Variants in CLEC1A observed in about 807,000 individuals in gnomAD.
The protein encoded by CLEC1A is C-type lectin-like receptor-1.
Under a neutral mutation model 28.7 loss-of-function variants are expected in CLEC1A, and 34 were observed. The ratio of observed to expected loss-of-function variants is 1.18; its 90% CI spans 0.90 to 1.57. The LOEUF (loss-of-function observed/expected upper bound fraction) is 1.57, where lower values mean the gene tolerates loss of function less well. Among genes scored for constraint, CLEC1A ranks in the 40% most tolerant of loss-of-function variants. The pLI, the probability that CLEC1A is intolerant of heterozygous loss-of-function variation, is 0.00. For synonymous variants in CLEC1A, 116 were observed against 121.0 expected (o/e 0.96, Z 0.27); for missense variants, 385 against 339.5 (o/e 1.13, Z -1.05).
At chr12:10,080,250 T>C (rs1054993832) in intron 3 of CLEC1A, among the ~76,000 whole-genome samples, 2 of 152,014 alleles carry the variant, frequency 1.3e-5, no homozygotes, top group African/African-American at 2.4e-5. Context: ...GAGGAGGAAG[T>C]TGCAGCAAGC....
rs568707126 is a variant in CLEC1A, at chr12:10,070,803, A to G, written c.*530T>C. ...AGTGACATCCCTGTTGGGAAACGGCATGGACAAGGCAGATGGGGTCTTTAC... is the reference window on the plus strand; with the variant it reads ...AGTGACATCCCTGTTGGGAAACGGCGTGGACAAGGCAGATGGGGTCTTTAC... On this transcript the variant is annotated 3_prime_UTR_variant, in exon 6 of 6. Transcript: ENST00000315330. 1.4e-4 allele frequency: 22 copies of G among 152,444 alleles called. No individual in the cohort carries two copies. Among genetic ancestry groups the G allele is most frequent in the African/African-American group, 5.3e-4 (22 of 41,574 alleles). 9.4% of individuals were successfully genotyped at this position (152,444 alleles called of 1,614,324 possible). A position where few individuals can be genotyped will look rare whatever the true frequency, so the allele number is the denominator to read the frequency against.
intron 2 of CLEC1A, among the ~76,000 whole-genome samples, chr12:10,085,288 A>G (rs1360417395): frequency 1.3e-5 from 2 of 151,842 alleles, no homozygotes; most frequent in East Asian, 3.9e-4. Flanking sequence ...TGAATAGAAC[A>G]GTACTGCACA....
chr12:10,087,126 A>G (rs1591916449), intron 2 of CLEC1A, among the ~76,000 whole-genome samples: 1 of 142,694 alleles, frequency 7.0e-6, no homozygotes, highest in South Asian at 2.3e-4. Context: ...AATCCCTTGA[A>G]CCCGGGAGGC....
intron 1 of CLEC1A, among the ~76,000 whole-genome samples, chr12:10,095,390 C>T (rs1018062999): frequency 3.3e-5 from 5 of 152,020 alleles, no homozygotes; most frequent in Non-Finnish European, 5.9e-5. Flanking sequence ...ATTTCATCCT[C>T]TCTCCTCTTA....
intron 4 of CLEC1A, 43 bp downstream of exon 4, chr12:10,075,461 C>T (rs368761124): frequency 2.5e-6 from 4 of 1,603,002 alleles, no homozygotes; most frequent in Non-Finnish European, 3.4e-6. Flanking sequence ...TTTAAGGCCT[C>T]TTTTTGAAAT....
At chr12:10,087,945 T>C (rs1018202517) in intron 2 of CLEC1A, among the ~76,000 whole-genome samples, 4 of 152,168 alleles carry the variant, frequency 2.6e-5, no homozygotes, top group Admixed American at 6.5e-5. Flanking sequence ...ATTTACTGCT[T>C]GATAAATATT....
chr12:10,095,287 T>C (rs927035209), intron 1 of CLEC1A, among the ~76,000 whole-genome samples: 1 of 152,110 alleles, frequency 6.6e-6, no homozygotes, highest in East Asian at 1.9e-4. Flanking sequence ...AATTTATTAT[T>C]AAATTTTTTA....
chr12:10,089,127 A>G lies in CLEC1A; in HGVS notation c.211T>C (p.Leu71=), dbSNP rs1866560527. The stretch of plus-strand genomic sequence containing the variant: ...CCAGGTCAGAGCGCAGACTTACACA[A>G]AAGCCCCAGGGCTGCCAGCCCTATC... ...LLIGLAALGL[L]FFQYYQLSNT... Residue 71 remains leucine (L), a synonymous_variant, in exon 2 of 6, where the codon TTG becomes CTG. Transcript: ENST00000315330. 1.9e-6 allele frequency: 3 copies of G among 1,613,484 alleles called. No individual in the cohort carries two copies. Among genetic ancestry groups the G allele is most frequent in the Admixed American group, 3.3e-5 (2 of 60,016 alleles).
intron 1 of CLEC1A, among the ~76,000 whole-genome samples, chr12:10,090,619 G>C (rs1031113998): frequency 4.6e-5 from 7 of 151,984 alleles, no homozygotes; most frequent in African/African-American, 1.7e-4. Context: ...ATGATAACTA[G>C]TAAAGAATAT....
chr12:10,096,770 C>G (rs532417515), intron 1 of CLEC1A, among the ~76,000 whole-genome samples: 1 of 152,220 alleles, frequency 6.6e-6, no homozygotes, highest in Admixed American at 6.5e-5. Flanking sequence ...GTCTCTCTGT[C>G]TATAGTGTCC....
At chr12:10,071,675 C>G (rs74882389) in intron 5 of CLEC1A, among the ~76,000 whole-genome samples, 162 bp from the exon 6 acceptor site, 1 of 152,138 alleles carries the variant, frequency 6.6e-6, no homozygotes, top group Admixed American at 6.6e-5. Context: ...CCCTAAGTTT[C>G]CATACTCATT....
In CLEC1A at chr12:10,085,419, A is replaced by G. The variant is rs573101231; in HGVS notation, c.214+3705T>C. The stretch of plus-strand genomic sequence containing the variant: ...CAAAAGACTCACCTAACACATAAGG[A>G]CTCACATAAACTTAAGGTAAAGAGG... On this transcript the variant is annotated intron_variant, in intron 2 of 5. Transcript: ENST00000315330. Among the ~76,000 whole-genome samples, 3 of 152,202 alleles carry G rather than the reference A, an allele frequency of 2.0e-5. No individual in the cohort carries two copies. The South Asian group carries it at 6.2e-4, about 32-fold the overall frequency.
intron 4 of CLEC1A, among the ~76,000 whole-genome samples, chr12:10,074,944 A>G (rs1304346042): frequency 6.6e-6 from 1 of 152,226 alleles, no homozygotes; most frequent in Non-Finnish European, 1.5e-5. Context: ...AGTAATAAAT[A>G]TGAGAGAAAG....
At chr12:10,089,034 A>G in intron 2 of CLEC1A, 90 bp downstream of exon 2, 1 of 979,802 alleles carries the variant, frequency 1.0e-6, no homozygotes, top group Non-Finnish European at 1.6e-6. Flanking sequence ...TAAGGAATTA[A>G]AGTTTAAAAA....
intron 3 of CLEC1A, among the ~76,000 whole-genome samples, chr12:10,078,330 C>T (rs1469579702): frequency 5.3e-5 from 8 of 152,168 alleles, no homozygotes; most frequent in South Asian, 2.1e-4. Flanking sequence ...CCACTCCAAC[C>T]GCATGAGCTC....
chr12:10,074,864 C>T (rs1866217515), intron 4 of CLEC1A, among the ~76,000 whole-genome samples: 1 of 152,146 alleles, frequency 6.6e-6, no homozygotes, highest in Admixed American at 6.5e-5. Flanking sequence ...CAAGAAAAAT[C>T]TCTGCTAAAT....
At chr12:10,077,240 T>G (rs1350987677) in intron 3 of CLEC1A, among the ~76,000 whole-genome samples, 1 of 152,160 alleles carries the variant, frequency 6.6e-6, no homozygotes, top group Non-Finnish European at 1.5e-5. Context: ...TACCTAATAT[T>G]TGATATACTA....
intron 3 of CLEC1A, among the ~76,000 whole-genome samples, chr12:10,077,894 T>C (rs982833100): frequency 1.3e-5 from 2 of 152,178 alleles, no homozygotes; most frequent in African/African-American, 2.4e-5. Context: ...ACAGCATTCC[T>C]GGTTTCTAAT....
chr12:10,096,463 T>G (rs1023201917), intron 1 of CLEC1A, among the ~76,000 whole-genome samples: 5 of 152,190 alleles, frequency 3.3e-5, no homozygotes, highest in Admixed American at 6.6e-5. Context: ...GTGGAAAAAT[T>G]TGGTATCAGC....
Sources: gnomAD v4.1 joint callset for allele counts (sites outside exome capture counted in the v4.1 genomes callset) on GRCh38, gnomAD v4.1.1 for gene constraint, MANE v1.5 for transcripts, NCBI Gene and HGNC (gene_info 2026-07-23, HGNC 2026-07-21) for gene names.